SNX16: variants seen among roughly 807,000 people sequenced by gnomAD.
SNX16 encodes sorting nexin 16.
Under a neutral mutation model 36.7 loss-of-function variants are expected in SNX16, and 35 were observed. The ratio of observed to expected loss-of-function variants is 0.95; its 90% confidence interval spans 0.73 to 1.27. The LOEUF (loss-of-function observed/expected upper bound fraction) is 1.27. Among genes scored for constraint, SNX16 ranks in the 50% most tolerant of loss-of-function variants. The probability of loss-of-function intolerance (pLI) is 0.00; values close to 1 mark genes in which losing one functional copy is unlikely to be tolerated. For missense variants in SNX16, 367 were observed against 393.6 expected, an observed-to-expected ratio of 0.93 and a Z score of 0.57; for synonymous variants, 134 against 132.0, an observed-to-expected ratio of 1.02 and a Z score of -0.10.
Position 81,823,889 on chromosome 8 carries a change from A to G in SNX16, c.514T>C (p.Phe172Leu). 1 of 1,611,980 alleles carries G rather than the reference A, an allele frequency of 6.2e-7. No homozygotes were observed. Among genetic ancestry groups the G allele is most frequent in the Non-Finnish European group, 8.5e-7 (1 of 1,179,036 alleles). Residue 172 changes from phenylalanine (F) to leucine (L), a missense_variant, in exon 4 of 8, where the codon TTT (phenylalanine) becomes CTT (leucine). Physicochemically the swap from Phe to Leu is conservative, Grantham distance 22. Transcript: ENST00000345957. ...AAGTCAGCATTGTAATTATCTTTAA[A>G]CCAGCGTTTTGGAGGAAGTGCTAGT... The part of the protein sequence containing the change: ...FRLALPPKRW[F>L]KDNYNADFLE...
chr8:81,825,976 T>A (rs1192164218), intron 3 of SNX16, among the ~76,000 whole-genome samples: 1 of 152,062 alleles, frequency 6.6e-6, no homozygotes, highest in Non-Finnish European at 1.5e-5. Flanking sequence ...AATTTTAAGC[T>A]TTATAATTTA....
chr8:81,823,253 T>TC (rs1020578711), intron 4 of SNX16, among the ~76,000 whole-genome samples: 36 of 151,824 alleles, frequency 2.4e-4, no homozygotes, highest in African/African-American at 7.5e-4. Context: ...ACTCAGCTGA[T>TC]ATTGAACCAC....
chr8:81,834,362 T>C (rs1164699255), intron 2 of SNX16, among the ~76,000 whole-genome samples: 2 of 152,144 alleles, frequency 1.3e-5, no homozygotes, highest in African/African-American at 4.8e-5. Context: ...ATTCAAACCA[T>C]ATCATTCCAC....
chr8:81,831,197 C>T (rs1435739385), intron 2 of SNX16, among the ~76,000 whole-genome samples: 6 of 152,230 alleles, frequency 3.9e-5, no homozygotes, highest in East Asian at 1.9e-4. Context: ...TTCTGGACAT[C>T]GGCCTTGGGA....
chr8:81,831,796 C>T (rs1252113928), intron 2 of SNX16, among the ~76,000 whole-genome samples: 1 of 151,164 alleles, frequency 6.6e-6, no homozygotes, highest in African/African-American at 2.4e-5. Context: ...GACATACAAG[C>T]AGCTAAGAAA....
chr8:81,818,273 T>TC (rs1051677739), intron 4 of SNX16, among the ~76,000 whole-genome samples: 17 of 152,202 alleles, frequency 1.1e-4, no homozygotes, highest in Non-Finnish European at 7.4e-5. Context: ...ATAACTGAAT[T>TC]CTTCTTTCAT....
At chr8:81,834,576 G>C (rs144518368) in intron 2 of SNX16, among the ~76,000 whole-genome samples, 1 of 152,186 alleles carries the variant, frequency 6.6e-6, no homozygotes, top group Non-Finnish European at 1.5e-5. Flanking sequence ...GAGGGTACAG[G>C]CATTGGGTAA....
At chr8:81,829,027 G>A (rs1454083974) in intron 3 of SNX16, among the ~76,000 whole-genome samples, 1 of 152,154 alleles carries the variant, frequency 6.6e-6, no homozygotes, top group East Asian at 1.9e-4. Flanking sequence ...GCTAAGCAAG[G>A]AACCCAGCTG....
At chr8:81,825,155 C>T (rs948538442) in intron 3 of SNX16, among the ~76,000 whole-genome samples, 1 of 152,098 alleles carries the variant, frequency 6.6e-6, no homozygotes, top group South Asian at 2.1e-4. Context: ...GTTGAGTAGT[C>T]GCAAGACCAT....
intron 2 of SNX16, among the ~76,000 whole-genome samples, chr8:81,834,763 G>A (rs544650574): frequency 6.6e-6 from 1 of 152,204 alleles, no homozygotes; most frequent in African/African-American, 2.4e-5. Context: ...ATGGCCTTGG[G>A]CAGCTCCACC....
chr8:81,822,939 TAC>T (rs1316647027), intron 4 of SNX16, among the ~76,000 whole-genome samples: 1 of 72,806 alleles, frequency 1.4e-5, no homozygotes, highest in Admixed American at 1.4e-4. Flanking sequence ...TATATATATA[TAC>T]ATATACATAT....
At position 81,802,481 on chromosome 8, in the gene SNX16, A is replaced by C. The variant is rs1399708679; in HGVS notation, c.837T>G (p.Pro279=). 1 of 1,607,892 alleles carries C rather than the reference A, an allele frequency of 6.2e-7. No individual in the cohort carries two copies. Among genetic ancestry groups the C allele is most frequent in the African/African-American group, 1.3e-5 (1 of 74,570 alleles). Residue 279 remains proline, a synonymous_variant, in exon 7 of 8, where the codon CCT becomes CCG. Coordinates refer to ENST00000345957, the MANE Select transcript of SNX16 (RefSeq NM_152836.3). ...ENRIRTLSLE[P]EESLDVSETE... ...TTTCTGACACATCCAGTGATTCTTC[A>C]GGTTCTAAAGACAATGTTCTAAAAG...
At chr8:81,823,436 C>T (rs1810866327) in intron 4 of SNX16, among the ~76,000 whole-genome samples, 1 of 151,958 alleles carries the variant, frequency 6.6e-6, no homozygotes, top group Admixed American at 6.6e-5. Flanking sequence ...ATTACCCTTA[C>T]AATTACATAG....
intron 5 of SNX16, among the ~76,000 whole-genome samples, chr8:81,811,973 A>T (rs1266755385): frequency 6.6e-6 from 1 of 152,112 alleles, no homozygotes; most frequent in Non-Finnish European, 1.5e-5. Context: ...CAATAAAGAG[A>T]AAGAACAGTT....
chr8:81,817,568 G>A (rs977497338), intron 4 of SNX16, among the ~76,000 whole-genome samples: 4 of 152,102 alleles, frequency 2.6e-5, no homozygotes, highest in Non-Finnish European at 5.9e-5. Flanking sequence ...TTAATCAGTA[G>A]CAGAATAAAA....
chr8:81,803,319 A>G (rs1809792492), intron 5 of SNX16, 91 bp from the exon 6 acceptor site: 1 of 1,264,312 alleles, frequency 7.9e-7, no homozygotes, highest in South Asian at 1.5e-5. Context: ...GCATTATTGA[A>G]GAGTCAAAGA....
chr8:81,815,462 G>A, intron 4 of SNX16, 68 bp from the exon 5 acceptor site: 1 of 1,352,134 alleles, frequency 7.4e-7, no homozygotes, highest in Non-Finnish European at 1.0e-6. Flanking sequence ...AAAAGCAAAA[G>A]TTACTTTGAA....
intron 5 of SNX16, among the ~76,000 whole-genome samples, chr8:81,812,889 C>T (rs187614286): frequency 2.2e-4 from 34 of 151,778 alleles, no homozygotes; most frequent in African/African-American, 5.8e-4. Context: ...AGGGAGGAAA[C>T]GGAGAGATAT....
At chr8:81,825,759 A>T (rs1810985627) in intron 3 of SNX16, among the ~76,000 whole-genome samples, 1 of 152,210 alleles carries the variant, frequency 6.6e-6, no homozygotes, top group Admixed American at 6.5e-5. Context: ...GAAAAATGGT[A>T]AATTATAACA....
Sources: allele counts gnomAD v4.1 joint callset (sites outside exome capture counted in the v4.1 genomes callset), GRCh38; gene constraint gnomAD v4.1.1; transcripts MANE v1.5; gene names NCBI Gene and HGNC (gene_info 2026-07-23, HGNC 2026-07-21).